BRINP1: variants seen among roughly 807,000 people sequenced by gnomAD.
BRINP1 encodes the protein BMP/retinoic acid-inducible neural-specific protein 1.
In BRINP1, 17 loss-of-function variants were observed where a neutral mutation model predicts 72.9. The ratio of observed to expected loss-of-function variants is 0.23; its 90% CI spans 0.16 to 0.35. BRINP1 has a LOEUF of 0.35. Ranked by LOEUF, BRINP1 falls within the 10% of genes least tolerant of loss-of-function variation. The pLI, the probability that BRINP1 is intolerant of heterozygous loss-of-function variation, is 1.00. For synonymous variants in BRINP1, 418 were observed against 378.5 expected (o/e 1.10, Z -1.21); for missense variants, 850 against 1,001.6 (o/e 0.85, Z 2.04).
chr9:119,196,985 G>A (rs181535893), intron 7 of BRINP1, among the ~76,000 whole-genome samples: 11 of 152,330 alleles, frequency 7.2e-5, no homozygotes, highest in Admixed American at 6.5e-4. Flanking sequence ...GTGCAGCAAA[G>A]GCTATGTCGT....
chr9:119,320,568 C>T (rs777586885), intron 1 of BRINP1, among the ~76,000 whole-genome samples: 6 of 152,048 alleles, frequency 3.9e-5, no homozygotes, highest in Non-Finnish European at 7.4e-5. Flanking sequence ...GGTCAGAGGG[C>T]TGAGAGTGGA....
intron 5 of BRINP1, among the ~76,000 whole-genome samples, chr9:119,215,807 C>G (rs1829970933): frequency 6.6e-6 from 1 of 152,138 alleles, no homozygotes. Flanking sequence ...AGTAAAAAAC[C>G]TGGGCATGGC....
intron 1 of BRINP1, among the ~76,000 whole-genome samples, chr9:119,366,975 G>A (rs544944144): frequency 6.6e-6 from 1 of 151,754 alleles, no homozygotes; most frequent in Admixed American, 6.6e-5. Context: ...TCTCCTCCTT[G>A]GCCCTAGTAC....
intron 1 of BRINP1, among the ~76,000 whole-genome samples, chr9:119,314,721 G>C (rs751458826): frequency 6.6e-6 from 1 of 152,078 alleles, no homozygotes; most frequent in African/African-American, 2.4e-5. Context: ...CTTTGTATCT[G>C]TTAGAAACAG....
chr9:119,197,464 G>C (rs948956858), intron 7 of BRINP1, among the ~76,000 whole-genome samples: 1 of 152,096 alleles, frequency 6.6e-6, no homozygotes, highest in African/African-American at 2.4e-5. Flanking sequence ...CATAATAAAT[G>C]GTCAATGTAT....
At chr9:119,221,943 G>A (rs551559392) in intron 5 of BRINP1, among the ~76,000 whole-genome samples, 1 of 152,190 alleles carries the variant, frequency 6.6e-6, no homozygotes, top group African/African-American at 2.4e-5. Context: ...GTGGTAGGGT[G>A]GGTTATCATT....
chr9:119,176,428 C>G (rs1829490362), intron 7 of BRINP1, among the ~76,000 whole-genome samples: 1 of 152,098 alleles, frequency 6.6e-6, no homozygotes, highest in African/African-American at 2.4e-5. Context: ...ACTGATGAGC[C>G]ACAATCCCCA....
intron 3 of BRINP1, among the ~76,000 whole-genome samples, chr9:119,247,292 C>T (rs1830329838): frequency 9.3e-6 from 1 of 107,586 alleles, no homozygotes; most frequent in African/African-American, 2.9e-5. Flanking sequence ...CAACAGACAG[C>T]TAACACATGC....
intron 5 of BRINP1, among the ~76,000 whole-genome samples, chr9:119,228,625 A>G (rs116627504): frequency 0.012 from 1,758 of 152,210 alleles, 28 homozygotes; most frequent in African/African-American, 0.04. Context: ...ACTATGTAGA[A>G]TGCCATTGAG....
At chr9:119,324,841 TGTAATCCCAA>T (rs1180114516) in intron 1 of BRINP1, among the ~76,000 whole-genome samples, 1 of 152,168 alleles carries the variant, frequency 6.6e-6, no homozygotes, top group African/African-American at 2.4e-5. Context: ...GGCTCATGTC[TGTAATCCCAA>T]CACTTTGGGA....
chr9:119,190,498 G>A (rs1829672610), intron 7 of BRINP1, among the ~76,000 whole-genome samples: 1 of 151,168 alleles, frequency 6.6e-6, no homozygotes, highest in Non-Finnish European at 1.5e-5. Context: ...GAAATAAAAA[G>A]GATCATAAGG....
intron 5 of BRINP1, among the ~76,000 whole-genome samples, chr9:119,233,995 T>C: frequency 6.6e-6 from 1 of 152,226 alleles, no homozygotes; most frequent in East Asian, 1.9e-4. Context: ...CTTATTTCTG[T>C]ATAGTAAGCT....
At chr9:119,218,360 G>C (rs910839177) in intron 5 of BRINP1, among the ~76,000 whole-genome samples, 2 of 151,880 alleles carry the variant, frequency 1.3e-5, no homozygotes, top group South Asian at 2.1e-4. Context: ...GGTCAGGATG[G>C]TTTTGAGCTC....
intron 2 of BRINP1, among the ~76,000 whole-genome samples, chr9:119,272,723 G>A (rs1009099135): frequency 1.1e-4 from 16 of 152,058 alleles, no homozygotes; most frequent in Admixed American, 6.5e-4. Flanking sequence ...TGAAAGACTC[G>A]CTTCCCTGCT....
chr9:119,270,224 T>C (rs1372721227), intron 2 of BRINP1, among the ~76,000 whole-genome samples: 1 of 152,138 alleles, frequency 6.6e-6, no homozygotes, highest in Non-Finnish European at 1.5e-5. Flanking sequence ...AACAAGGGAC[T>C]GACCATGCTG....
At chr9:119,219,812 G>T (rs796488609) in intron 5 of BRINP1, among the ~76,000 whole-genome samples, 1 of 152,254 alleles carries the variant, frequency 6.6e-6, no homozygotes, top group Non-Finnish European at 1.5e-5. Context: ...GATTAGGGGT[G>T]TTAAAAGCAC....
intron 5 of BRINP1, among the ~76,000 whole-genome samples, chr9:119,232,811 G>A (rs185867758): frequency 1.3e-4 from 19 of 151,612 alleles, no homozygotes; most frequent in Admixed American, 9.2e-4. Context: ...TGTATACTTC[G>A]CCATATGGAT....
At chr9:119,333,134 TG>T (rs1831316139) in intron 1 of BRINP1, among the ~76,000 whole-genome samples, 1 of 151,746 alleles carries the variant, frequency 6.6e-6, no homozygotes, top group East Asian at 1.9e-4. Context: ...TAATCTAGTG[TG>T]GCTTGTGAGT....
At chr9:119,332,852 T>G (rs1326119426) in intron 1 of BRINP1, among the ~76,000 whole-genome samples, 1 of 152,092 alleles carries the variant, frequency 6.6e-6, no homozygotes, top group South Asian at 2.1e-4. Flanking sequence ...TTAAAGCCAA[T>G]GAATTGGGTG....
Sources: gnomAD v4.1 joint callset for allele counts (sites outside exome capture counted in the v4.1 genomes callset) on GRCh38, gnomAD v4.1.1 for gene constraint, MANE v1.5 for transcripts, NCBI Gene and HGNC (gene_info 2026-07-23, HGNC 2026-07-21) for gene names.